Variants in TBCE observed in about 807,000 individuals in gnomAD.
TBCE encodes tubulin folding cofactor E.
In TBCE, 53 loss-of-function variants were observed where a neutral mutation model predicts 77.0. That is an observed-to-expected ratio of 0.69 (90% CI 0.55 to 0.87). The LOEUF is 0.87. TBCE is among the 40% of genes least tolerant of loss of function. The probability of loss-of-function intolerance (pLI) is 0.00; values close to 1 mark genes in which losing one functional copy is unlikely to be tolerated. For missense variants in TBCE, 624 were observed against 622.4 expected (o/e 1.00, Z -0.03); for synonymous variants, 235 against 241.3 (o/e 0.97, Z 0.24).
In TBCE at chr1:235,374,263, T is replaced by C. The variant is rs1169239028; in HGVS notation, c.-31-5756T>C. On this transcript the variant is annotated intron_variant, in intron 1 of 16. Transcript: ENST00000642610. ...GAGCCACTTTGCCTAGCCTACACTG[T>C]TAAATGAATGCTTTTCAGACCATTG... Among the ~76,000 whole-genome samples the C allele has an allele frequency of 2.1e-5, 3 of 146,064 alleles. 1 individual carries two copies. The highest frequency in any genetic ancestry group is 4.5e-5 in the Non-Finnish European group (3 of 66,622).
chr1:235,379,533 A>G (rs1677490015), intron 1 of TBCE, among the ~76,000 whole-genome samples: 1 of 151,794 alleles, frequency 6.6e-6, no homozygotes, highest in Non-Finnish European at 1.5e-5. Context: ...ATCTTAAAAA[A>G]CAACAACAAG....
At chr1:235,437,284 G>A (rs778301739) in intron 11 of TBCE, 38 bp from the exon 12 acceptor site, 23 of 1,613,434 alleles carry the variant, frequency 1.4e-5, no homozygotes, top group African/African-American at 1.3e-4. Context: ...TGGCATGAAC[G>A]TACCGCTTTT....
In TBCE at chr1:235,450,352, C is replaced by T; in HGVS notation, c.*1590C>T. 1 of 1,613,352 alleles carries T rather than the reference C, an allele frequency of 6.2e-7. No homozygotes were observed. Among genetic ancestry groups the T allele is most frequent in the Non-Finnish European group, 8.5e-7 (1 of 1,179,408 alleles). ...AGCCACAGACTGTCCTGTTGAGAAA[C>T]AACCAAAGCCGATCTGAGAGTGGTG... On this transcript the variant is annotated 3_prime_UTR_variant, in exon 17 of 17. Coordinates refer to ENST00000642610, the MANE Select transcript of TBCE (RefSeq NM_003193.5).
Position 235,448,957 on chromosome 1 carries a change from T to C in TBCE, c.*195T>C. The C allele has an allele frequency of 1.9e-6, 1 of 525,694 alleles. No homozygotes were observed. Among genetic ancestry groups the C allele is most frequent in the South Asian group, 2.0e-5 (1 of 49,850 alleles). 32.6% of individuals were successfully genotyped at this position (525,694 alleles called of 1,614,324 possible). A position where few individuals can be genotyped will look rare whatever the true frequency, so the allele number is the denominator to read the frequency against. ...TACATAATAGCAATAATAAAGGCTTTGAACCTACTAATGATTTTCTGATCT... is the reference window on the plus strand; with the variant it reads ...TACATAATAGCAATAATAAAGGCTTCGAACCTACTAATGATTTTCTGATCT... On this transcript the variant is annotated 3_prime_UTR_variant, in exon 17 of 17. Coordinates refer to ENST00000642610, the MANE Select transcript of TBCE (RefSeq NM_003193.5).
At chr1:235,392,968 A>G (rs1678483765) in intron 2 of TBCE, among the ~76,000 whole-genome samples, 1 of 151,670 alleles carries the variant, frequency 6.6e-6, no homozygotes, top group African/African-American at 2.4e-5. Context: ...ATGAGCTATA[A>G]TCCAGCCTGG....
At position 235,435,529 on chromosome 1, in the gene TBCE, A is replaced by G. The variant is rs116568880; in HGVS notation, c.738-216A>G. 0.01 allele frequency among the ~76,000 whole-genome samples: 1,554 copies of G among 152,308 alleles called. 8 individuals are homozygous for G. The highest frequency in any genetic ancestry group is 0.014 in the Non-Finnish European group (923 of 68,024). ...GTTCCCCCATTGGTAACAAGTTGCA[A>G]AACTATGATATAGGATCACAGGCTA... is the stretch of plus-strand genomic sequence containing the variant. On this transcript the variant is annotated intron_variant, in intron 8 of 16. Coordinates refer to ENST00000642610, the MANE Select transcript of TBCE (RefSeq NM_003193.5).
chr1:235,436,956 T>G (rs901676746), intron 11 of TBCE, among the ~76,000 whole-genome samples: 1 of 131,294 alleles, frequency 7.6e-6, no homozygotes, highest in African/African-American at 2.8e-5. Context: ...CCATCTCTAC[T>G]AAAAAAAAAA....
intron 1 of TBCE, among the ~76,000 whole-genome samples, chr1:235,372,707 G>A (rs1158542807): frequency 1.3e-5 from 2 of 151,764 alleles, no homozygotes. Flanking sequence ...GGCGGATCTC[G>A]AGGTCAGGAG....
At chr1:235,393,125 CTTTG>C (rs982355403) in intron 2 of TBCE, among the ~76,000 whole-genome samples, 1 of 152,330 alleles carries the variant, frequency 6.6e-6, no homozygotes. Flanking sequence ...TGTGGTTACA[CTTTG>C]TTTTTCACCA....
At chr1:235,392,833 A>G (rs1678476771) in intron 2 of TBCE, among the ~76,000 whole-genome samples, 1 of 152,040 alleles carries the variant, frequency 6.6e-6, no homozygotes, top group Admixed American at 6.6e-5. Context: ...GGGTAGTCAC[A>G]TGCTCTTTTA....
At chr1:235,371,038 C>CTT (rs71174417) in intron 1 of TBCE, among the ~76,000 whole-genome samples, 246 of 23,312 alleles carry the variant, frequency 0.011, 91 homozygotes, top group East Asian at 0.019. Flanking sequence ...TCACGCCTGG[C>CTT]TTTTTTTTTT....
At chr1:235,427,027 C>A in intron 5 of TBCE, 113 bp from the exon 6 acceptor site, 1 of 760,686 alleles carries the variant, frequency 1.3e-6, no homozygotes, top group Non-Finnish European at 2.3e-6. Flanking sequence ...TTGAAGCTGA[C>A]TAGAGGGTAT....
chr1:235,395,917 T>G (rs1387580304), intron 2 of TBCE, among the ~76,000 whole-genome samples: 1 of 152,074 alleles, frequency 6.6e-6, no homozygotes, highest in Non-Finnish European at 1.5e-5. Context: ...TGAGAACATG[T>G]GAGGTTTGTC....
chr1:235,370,455 C>T (rs1410736507), intron 1 of TBCE, among the ~76,000 whole-genome samples: 1 of 150,950 alleles, frequency 6.6e-6, no homozygotes, highest in Non-Finnish European at 1.5e-5. Context: ...GTTTCACCAT[C>T]TTGGCCAGGT....
chr1:235,378,654 C>T (rs1007235459), intron 1 of TBCE, among the ~76,000 whole-genome samples: 5 of 152,030 alleles, frequency 3.3e-5, no homozygotes, highest in African/African-American at 1.2e-4. Context: ...CAAGACCAGC[C>T]TGGCCAACAT....
intron 5 of TBCE, among the ~76,000 whole-genome samples, chr1:235,424,635 A>G (rs1446354248): frequency 6.6e-6 from 1 of 151,648 alleles, no homozygotes; most frequent in Admixed American, 6.6e-5. Flanking sequence ...CTTCCCGAGT[A>G]GCTGGGATTA....
intron 13 of TBCE, among the ~76,000 whole-genome samples, chr1:235,440,402 A>AT (rs550569758): frequency 2.3e-4 from 35 of 151,620 alleles, no homozygotes; most frequent in South Asian, 4.2e-4. Context: ...ATATATATAT[A>AT]TTTTTTTGAG....
rs1682823566 is a variant in TBCE, at chr1:235,450,365, T to G, written c.*1603T>G. 2 of 1,611,978 alleles carry G rather than the reference T, an allele frequency of 1.2e-6. No individual in the cohort carries two copies. The highest frequency in any genetic ancestry group is 1.7e-6 in the Non-Finnish European group (2 of 1,178,460). On this transcript the variant is annotated 3_prime_UTR_variant, in exon 17 of 17. Coordinates refer to ENST00000642610, the MANE Select transcript of TBCE (RefSeq NM_003193.5). ...CCTGTTGAGAAACAACCAAAGCCGA[T>G]CTGAGAGTGGTGAAACTGTTTTAAG...
intron 15 of TBCE, among the ~76,000 whole-genome samples, chr1:235,443,214 T>C (rs943401836): frequency 6.6e-6 from 1 of 151,766 alleles, no homozygotes; most frequent in Non-Finnish European, 1.5e-5. Context: ...ACACACAATT[T>C]TTTTTGAGAC....
Sources: gnomAD v4.1 joint callset for allele counts (sites outside exome capture counted in the v4.1 genomes callset) on GRCh38, gnomAD v4.1.1 for gene constraint, MANE v1.5 for transcripts, NCBI Gene and HGNC (gene_info 2026-07-23, HGNC 2026-07-21) for gene names.